The following MAGI2 variants were observed in gnomAD, a reference collection of about 807,000 sequenced individuals.
MAGI2 encodes membrane-associated guanylate kinase, WW and PDZ domain-containing protein 2.
Under a neutral mutation model 133.3 loss-of-function variants are expected in MAGI2, and 35 were observed. The observed-to-expected ratio is 0.26, with a 90% CI of 0.20 to 0.35. MAGI2 has a LOEUF of 0.35. MAGI2 is among the 10% of genes least tolerant of loss of function. The pLI, the probability that MAGI2 is intolerant of heterozygous loss-of-function variation, is 1.00. For missense variants in MAGI2, 1,636 were observed against 1,863.4 expected, an observed-to-expected ratio of 0.88 and a Z score of 2.25; for synonymous variants, 729 against 710.6, an observed-to-expected ratio of 1.03 and a Z score of -0.41.
At chr7:78,076,628 T>C (rs993716573) in intron 21 of MAGI2, among the ~76,000 whole-genome samples, 1 of 149,884 alleles carries the variant, frequency 6.7e-6, no homozygotes, top group Admixed American at 6.6e-5. Context: ...GGGTGGATCA[T>C]GAGGTCAGGA....
chr7:78,151,536 C>G (rs564737011), intron 16 of MAGI2, among the ~76,000 whole-genome samples: 1 of 152,158 alleles, frequency 6.6e-6, no homozygotes, highest in East Asian at 1.9e-4. Flanking sequence ...GTAAGATGAC[C>G]GGGGCTGGCC....
intron 6 of MAGI2, among the ~76,000 whole-genome samples, chr7:78,456,127 A>T (rs2151495292): frequency 6.6e-6 from 1 of 151,766 alleles, no homozygotes; most frequent in Non-Finnish European, 1.5e-5. Flanking sequence ...CAAGGAGAAG[A>T]TGCAACAAGC....
At chr7:78,827,580 C>T (rs1490287743) in intron 2 of MAGI2, among the ~76,000 whole-genome samples, 1 of 152,066 alleles carries the variant, frequency 6.6e-6, no homozygotes, top group Non-Finnish European at 1.5e-5. Flanking sequence ...TGCACCCAGC[C>T]TCTTTAGGAA....
intron 6 of MAGI2, among the ~76,000 whole-genome samples, chr7:78,427,504 T>C (rs1370106319): frequency 6.6e-6 from 1 of 152,140 alleles, no homozygotes; most frequent in Non-Finnish European, 1.5e-5. Context: ...TTCATGATGA[T>C]GAAAAGCTGA....
chr7:78,385,929 C>T (rs1301378976), intron 6 of MAGI2, among the ~76,000 whole-genome samples: 1 of 152,128 alleles, frequency 6.6e-6, no homozygotes, highest in Non-Finnish European at 1.5e-5. Context: ...TGGTCTTTTG[C>T]TCAAAGAGGG....
Position 79,018,637 on chromosome 7 carries a change from TG to T in MAGI2, c.302-11432del, listed in dbSNP as rs1202636068. On this transcript the variant is annotated intron_variant, in intron 1 of 21. Coordinates refer to ENST00000354212, the MANE Select transcript of MAGI2 (RefSeq NM_012301.4). ...AAAGAAGCAAAATCTAACAATGTGC[TG>T]TCATCAAAAGACCCATCTCACATGA... Among the ~76,000 whole-genome samples, 17 of 152,290 alleles carry T rather than the reference TG, an allele frequency of 1.1e-4. No homozygotes were observed. In the East Asian group the frequency reaches 2.5e-3, roughly 23 times the overall value.
At chr7:78,684,484 A>T (rs1398828275) in intron 2 of MAGI2, among the ~76,000 whole-genome samples, 1 of 152,124 alleles carries the variant, frequency 6.6e-6, no homozygotes, top group African/African-American at 2.4e-5. Context: ...GCAGAACCCA[A>T]ATAAGGACTC....
intron 3 of MAGI2, among the ~76,000 whole-genome samples, chr7:78,561,480 A>C (rs566754904): frequency 6.6e-6 from 1 of 152,352 alleles, no homozygotes; most frequent in South Asian, 2.1e-4. Context: ...CGAGAGATAG[A>C]TGACAGTGAA....
intron 1 of MAGI2, among the ~76,000 whole-genome samples, chr7:79,073,800 A>G (rs1238199665): frequency 6.7e-6 from 1 of 149,902 alleles, no homozygotes; most frequent in Non-Finnish European, 1.5e-5. Context: ...TTTCTTTTCT[A>G]ATTTCTTGAC....
Position 79,006,987 on chromosome 7 carries a change from AC to A in MAGI2, c.418+102del, listed in dbSNP as rs1402570772. The A allele has an allele frequency of 4.9e-6, 4 of 817,576 alleles. No individual in the cohort carries two copies. The African/African-American group carries it at 7.2e-5, about 15-fold the overall frequency. The allele number at this position is 817,576 out of a possible 1,614,324, so 50.6% of individuals were successfully genotyped here. On this transcript the variant is annotated intron_variant, in intron 2 of 21. Coordinates refer to ENST00000354212, the MANE Select transcript of MAGI2 (RefSeq NM_012301.4). ...AATAAGTTTTCTGTTCCAAAAGCCC[AC>A]TATAAAAAATAAGTGCAATTTCACT...
chr7:78,532,107 C>T (rs560457953), intron 3 of MAGI2, among the ~76,000 whole-genome samples: 50 of 152,166 alleles, frequency 3.3e-4, no homozygotes, highest in African/African-American at 1.1e-3. Context: ...GACTGTGAAC[C>T]GGGCAGCAAC....
At chr7:79,165,490 T>C (rs1159528477) in intron 1 of MAGI2, among the ~76,000 whole-genome samples, 1 of 151,950 alleles carries the variant, frequency 6.6e-6, no homozygotes, top group Non-Finnish European at 1.5e-5. Flanking sequence ...TTCAAAATAA[T>C]ACAAAAAAGT....
intron 12 of MAGI2, among the ~76,000 whole-genome samples, chr7:78,194,105 A>G (rs1193187409): frequency 6.6e-6 from 1 of 152,242 alleles, no homozygotes; most frequent in Non-Finnish European, 1.5e-5. Context: ...AAACTCTTCT[A>G]CGAGGCTGGG....
intron 1 of MAGI2, among the ~76,000 whole-genome samples, chr7:79,296,228 A>G (rs1836918152): frequency 2.0e-5 from 3 of 152,208 alleles, no homozygotes; most frequent in Admixed American, 2.0e-4. Context: ...AATCTTATCT[A>G]AAGTTGTAAT....
chr7:78,934,566 G>A (rs1449493083), intron 2 of MAGI2, among the ~76,000 whole-genome samples: 1 of 152,118 alleles, frequency 6.6e-6, no homozygotes, highest in African/African-American at 2.4e-5. Context: ...ATAGGTGGCC[G>A]ACATGGGGAC....
chr7:79,132,132 G>A (rs569339835), intron 1 of MAGI2, among the ~76,000 whole-genome samples: 20 of 152,048 alleles, frequency 1.3e-4, no homozygotes, highest in East Asian at 5.8e-4. Flanking sequence ...TAGATCACTC[G>A]CACTGGCTTT....
chr7:78,495,120 C>T (rs957287751), intron 5 of MAGI2, among the ~76,000 whole-genome samples: 4 of 152,046 alleles, frequency 2.6e-5, no homozygotes, highest in Non-Finnish European at 5.9e-5. Flanking sequence ...TTACAAAACA[C>T]TTTTATTATT....
chr7:79,440,188 T>C (rs566297628), intron 1 of MAGI2, among the ~76,000 whole-genome samples: 1 of 152,078 alleles, frequency 6.6e-6, no homozygotes, highest in East Asian at 1.9e-4. Context: ...TTTTTTTCTT[T>C]ACATGCTCTT....
chr7:78,662,569 A>G (rs1029078006), intron 2 of MAGI2, among the ~76,000 whole-genome samples: 2 of 152,104 alleles, frequency 1.3e-5, no homozygotes, highest in Admixed American at 6.6e-5. Context: ...ATTATCATCT[A>G]ATTGCCAAAT....
Sources: gnomAD v4.1 joint callset for allele counts (sites outside exome capture counted in the v4.1 genomes callset) on GRCh38, gnomAD v4.1.1 for gene constraint, MANE v1.5 for transcripts, NCBI Gene and HGNC (gene_info 2026-07-23, HGNC 2026-07-21) for gene names.